NDRG1: variants seen among roughly 807,000 people sequenced by gnomAD.
NDRG1 encodes the protein protein NDRG1.
In NDRG1, 32 loss-of-function variants were observed where a neutral mutation model predicts 56.9. The observed-to-expected ratio is 0.56, with a 90% CI of 0.42 to 0.76. The LOEUF (loss-of-function observed/expected upper bound fraction) is 0.76, where lower values mean the gene tolerates loss of function less well. NDRG1 is among the 30% of genes least tolerant of loss of function. The probability of loss-of-function intolerance (pLI) is 0.00; values close to 1 mark genes in which losing one functional copy is unlikely to be tolerated. For missense variants in NDRG1, 507 were observed against 545.7 expected (o/e 0.93, Z 0.71); for synonymous variants, 211 against 204.1 (o/e 1.03, Z -0.29).
chr8:133,240,079 G>A (rs1855296555), intron 15 of NDRG1: 1 of 152,238 alleles, frequency 6.6e-6, no homozygotes, highest in African/African-American at 2.4e-5. Context: ...GCCAGGAAGA[G>A]GCATGGAAGG....
intron 1 of NDRG1, among the ~76,000 whole-genome samples, chr8:133,291,128 A>G (rs1858406206): frequency 6.6e-6 from 1 of 152,174 alleles, no homozygotes; most frequent in African/African-American, 2.4e-5. Context: ...GCAGGCGGGA[A>G]TTGCTGACAA....
Position 133,238,032 on chromosome 8 carries a change from T to C in NDRG1, c.*846A>G, listed in dbSNP as rs1855156245. On this transcript the variant is annotated 3_prime_UTR_variant, in exon 16 of 16. Coordinates refer to ENST00000323851, the MANE Select transcript of NDRG1 (RefSeq NM_006096.4). Reference sequence around the variant, plus strand: ...AGGAATGCAAAACAAATCTAAATGATCTTCTCCCTGAACAAGAATAATCAC... The same window carrying C: ...AGGAATGCAAAACAAATCTAAATGACCTTCTCCCTGAACAAGAATAATCAC... The C allele has an allele frequency of 8.6e-6, 2 of 233,016 alleles. No homozygotes were observed. The highest frequency in any genetic ancestry group is 3.6e-4 in the South Asian group (2 of 5,530). 14.4% of individuals were successfully genotyped at this position (233,016 alleles called of 1,614,324 possible).
intron 8 of NDRG1, chr8:133,255,299 T>G (rs186508636): frequency 2.4e-5 from 11 of 456,262 alleles, no homozygotes; most frequent in Admixed American, 2.1e-4. Context: ...AATCTGGAAC[T>G]GGGAGTGCCA....
intron 3 of NDRG1, among the ~76,000 whole-genome samples, chr8:133,279,013 C>T (rs942935241): frequency 3.3e-5 from 5 of 152,074 alleles, no homozygotes; most frequent in Admixed American, 2.0e-4. Flanking sequence ...GTCTCAGCCC[C>T]CAAGTAGCTG....
At chr8:133,286,301 T>C (rs1216945206) in intron 1 of NDRG1, among the ~76,000 whole-genome samples, 1 of 152,218 alleles carries the variant, frequency 6.6e-6, no homozygotes, top group Non-Finnish European at 1.5e-5. Context: ...AAACAAATTC[T>C]ACATTTAAAA....
At chr8:133,277,695 A>C (rs773426509) in intron 3 of NDRG1, among the ~76,000 whole-genome samples, 7 of 152,236 alleles carry the variant, frequency 4.6e-5, no homozygotes, top group Non-Finnish European at 8.8e-5. Context: ...ATTGGATGTT[A>C]CGTGTATGTT....
intron 9 of NDRG1, among the ~76,000 whole-genome samples, chr8:133,253,371 G>A (rs3779937): frequency 0.11 from 17,464 of 152,232 alleles, 1,220 homozygotes; most frequent in South Asian, 0.19. Flanking sequence ...TTCTAATACC[G>A]GCCCCACCTC....
chr8:133,264,472 G>T (rs1344473604), intron 4 of NDRG1, 75 bp downstream of exon 4: 2 of 1,338,200 alleles, frequency 1.5e-6, no homozygotes, highest in East Asian at 2.3e-5. Flanking sequence ...CCGGCCATCA[G>T]CCCTTCTCGG....
chr8:133,269,153 G>GT (rs1857065922), intron 3 of NDRG1, among the ~76,000 whole-genome samples: 1 of 152,222 alleles, frequency 6.6e-6, no homozygotes, highest in African/African-American at 2.4e-5. Flanking sequence ...AAGGTGCACT[G>GT]TTCGTCCTCT....
rs1050268735 is a variant in NDRG1, at chr8:133,248,584, C to T, written c.755+131G>A. 1.3e-5 allele frequency: 15 copies of T among 1,133,014 alleles called. No homozygotes were observed. In the African/African-American group the frequency reaches 2.1e-4, roughly 16 times the overall value. 70.2% of individuals were successfully genotyped at this position (1,133,014 alleles called of 1,614,324 possible). On this transcript the variant is annotated intron_variant, in intron 11 of 15. Coordinates refer to ENST00000323851, the MANE Select transcript of NDRG1 (RefSeq NM_006096.4). ...AGTCAGGCTGGGTAATGCTCAGTCT[C>T]TGGGTGGAATATATCCAGGTCTCAC...
chr8:133,259,233 G>C lies in NDRG1; in HGVS notation c.327-3C>G. On this transcript the variant is annotated splice_region_variant and splice_polypyrimidine_tract_variant and intron_variant, in intron 5 of 15. Coordinates refer to ENST00000323851, the MANE Select transcript of NDRG1 (RefSeq NM_006096.4). ...GATCCATGGAGGGGTACATGTACCT[G>C]GGGATGACACAGAGAAGCCATTAGT... 6.2e-7 allele frequency: 1 copy of C among 1,614,090 alleles called. No homozygotes were observed. The highest frequency in any genetic ancestry group is 1.1e-5 in the South Asian group (1 of 91,080).
intron 14 of NDRG1, among the ~76,000 whole-genome samples, chr8:133,242,924 C>A (rs1194678614): frequency 6.6e-6 from 1 of 152,172 alleles, no homozygotes; most frequent in Non-Finnish European, 1.5e-5. Flanking sequence ...ACTAACTGGG[C>A]TACTTTAAGT....
rs78383750 is a variant in NDRG1 at position 133,283,005 on chromosome 8, T to C, written c.63+1244A>G. Among the ~76,000 whole-genome samples, 39 of 152,342 alleles carry C rather than the reference T, an allele frequency of 2.6e-4. No homozygotes were observed. In the East Asian group the frequency reaches 3.5e-3, roughly 14 times the overall value. ...GAAAAGAGATGGTTGCCTCACACAT[T>C]TGTAAAGAAAAGTCTATGAAATTAT... is the stretch of plus-strand genomic sequence containing the variant. On this transcript the variant is annotated intron_variant, in intron 2 of 15. Transcript: ENST00000323851.
Position 133,262,112 on chromosome 8 carries a change from C to T in NDRG1, c.261G>A (p.Gln87=), listed in dbSNP as rs779852927. 30 of 1,613,980 alleles carry T rather than the reference C, an allele frequency of 1.9e-5. No individual in the cohort carries two copies. Among genetic ancestry groups the T allele is most frequent in the Non-Finnish European group, 2.3e-5 (27 of 1,180,036 alleles). The stretch of plus-strand genomic sequence containing the variant: ...CGTCCACGTGGCAGACGGCAAAGTG[C>T]TGGGTGATCTCCTGCATGTCCTCGT... ...FNYEDMQEIT[Q]HFAVCHVDAP... is the part of the protein sequence containing the mutation. Residue 87 remains glutamine (Q), a synonymous_variant, in exon 5 of 16, where the codon CAG becomes CAA. Transcript: ENST00000323851.
chr8:133,254,883 C>G, intron 8 of NDRG1: 1 of 453,398 alleles, frequency 2.2e-6, no homozygotes, highest in South Asian at 2.3e-5. Context: ...CTACTGCTAG[C>G]TTACCCTGCT....
chr8:133,263,092 G>A (rs922205554), intron 4 of NDRG1, among the ~76,000 whole-genome samples: 12 of 152,186 alleles, frequency 7.9e-5, no homozygotes, highest in Admixed American at 2.6e-4. Context: ...GAGCCTCTCC[G>A]AATGGGGAGA....
chr8:133,248,599 C>A (rs1218538277), intron 11 of NDRG1, 116 bp downstream of exon 11: 51 of 1,218,762 alleles, frequency 4.2e-5, no homozygotes, highest in Non-Finnish European at 5.7e-5. Flanking sequence ...TGGAATATAT[C>A]CAGGTCTCAC....
At chr8:133,292,317 G>A (rs1290198664) in intron 1 of NDRG1, among the ~76,000 whole-genome samples, 1 of 152,168 alleles carries the variant, frequency 6.6e-6, no homozygotes, top group African/African-American at 2.4e-5. Flanking sequence ...TCCCCAGAAT[G>A]GTCTTGCAGT....
intron 14 of NDRG1, 82 bp downstream of exon 14, chr8:133,244,273 G>A: frequency 6.6e-7 from 1 of 1,506,242 alleles, no homozygotes. Flanking sequence ...AGGTAATGAG[G>A]GAACAGGTGT....
Sources: allele counts gnomAD v4.1 joint callset (sites outside exome capture counted in the v4.1 genomes callset), GRCh38; gene constraint gnomAD v4.1.1; transcripts MANE v1.5; gene names NCBI Gene and HGNC (gene_info 2026-07-23, HGNC 2026-07-21).